The following TMEM171 variants were observed in gnomAD, a reference collection of about 807,000 sequenced individuals.
The protein encoded by TMEM171 is transmembrane protein 171, also known as proline-rich protein PRP2.
A neutral mutation model predicts 19.1 loss-of-function variants in TMEM171; 16 were observed. The observed-to-expected ratio is 0.84, with a 90% CI of 0.57 to 1.27. The LOEUF (loss-of-function observed/expected upper bound fraction) is 1.27. Ranked by LOEUF, TMEM171 falls within the 50% of genes most tolerant of loss-of-function variation. The probability of loss-of-function intolerance (pLI) is 0.00; values close to 1 mark genes in which losing one functional copy is unlikely to be tolerated. For missense variants in TMEM171, 429 were observed against 412.7 expected (o/e 1.04, Z -0.34); for synonymous variants, 153 against 163.4 (o/e 0.94, Z 0.48).
chr5:73,120,769 CGCGGGGAGCCGCGGCAGCGCGGAG>C, intron 1 of TMEM171, 73 bp downstream of exon 1: 2 of 981,842 alleles, frequency 2.0e-6, no homozygotes, highest in South Asian at 4.7e-5. Context: ...CCAGGCTGGG[CGCGGGGAGCCGCGGCAGCGCGGAG>C]GCGCTGGGTA....
At chr5:73,126,388 G>A (rs963186881) in intron 2 of TMEM171, among the ~76,000 whole-genome samples, 1 of 152,190 alleles carries the variant, frequency 6.6e-6, no homozygotes, top group African/African-American at 2.4e-5. Context: ...GGAGAAGGAA[G>A]GGGAGATGGA....
intron 3 of TMEM171, 136 bp downstream of exon 3, chr5:73,128,667 A>T (rs190675997): frequency 3.5e-6 from 4 of 1,143,542 alleles, no homozygotes; most frequent in Non-Finnish European, 4.8e-6. Context: ...GTGTCTTGAT[A>T]TTAACAGTAC....
At chr5:73,126,800 C>G (rs2112923228) in intron 2 of TMEM171, among the ~76,000 whole-genome samples, 1 of 152,324 alleles carries the variant, frequency 6.6e-6, no homozygotes, top group African/African-American at 2.4e-5. Flanking sequence ...AAAGCCCCAT[C>G]TTCTTCATTT....
intron 3 of TMEM171, among the ~76,000 whole-genome samples, chr5:73,130,095 T>TG (rs1004429557): frequency 6.7e-6 from 1 of 150,222 alleles, no homozygotes; most frequent in Non-Finnish European, 1.5e-5. Context: ...TTGGTTTCGG[T>TG]GGGGAAAGGA....
intron 2 of TMEM171, among the ~76,000 whole-genome samples, chr5:73,124,773 T>TG (rs2112921460): frequency 6.6e-6 from 1 of 152,292 alleles, no homozygotes; most frequent in Admixed American, 6.5e-5. Context: ...ACAGAAGAGA[T>TG]GGAGTGCCAT....
At chr5:73,124,990 A>G (rs1304299232) in intron 2 of TMEM171, among the ~76,000 whole-genome samples, 1 of 152,142 alleles carries the variant, frequency 6.6e-6, no homozygotes, top group Non-Finnish European at 1.5e-5. Flanking sequence ...CAGAGAGGGA[A>G]TGTGACAAGT....
At position 73,123,620 on chromosome 5, in the gene TMEM171, C is replaced by G. The variant is rs750768921; in HGVS notation, c.247C>G (p.Leu83Val). 2 of 1,614,242 alleles carry G rather than the reference C, an allele frequency of 1.2e-6. No homozygotes were observed. Among genetic ancestry groups the G allele is most frequent in the Non-Finnish European group, 8.5e-7 (1 of 1,180,042 alleles). The change falls in exon 2 of 4, where the codon CTT becomes GTT. Residue 83 changes from leucine to valine, a missense_variant. Leu to Val is a conservative substitution (Grantham distance 32). Coordinates refer to ENST00000454765, the MANE Select transcript of TMEM171 (RefSeq NM_173490.8). ...GATCCTGGCCCGCTCCCGGGCGCAA[C>G]TTCAGCTCCGTGCAGGGCTGCAGAG... ...AVILARSRAQLQLRAGLQRGQ... is the reference protein window; with the variant it reads ...AVILARSRAQVQLRAGLQRGQ...
At chr5:73,130,012 G>A (rs1744290128) in intron 3 of TMEM171, among the ~76,000 whole-genome samples, 1 of 152,164 alleles carries the variant, frequency 6.6e-6, no homozygotes, top group Admixed American at 6.5e-5. Flanking sequence ...AGGAAGAGGC[G>A]AAGATGATGA....
At position 73,120,676 on chromosome 5, in the gene TMEM171, A is replaced by G. The variant is rs1743980841; in HGVS notation, c.-89A>G. 3 of 983,674 alleles carry G rather than the reference A, an allele frequency of 3.0e-6. No homozygotes were observed. Among genetic ancestry groups the G allele is most frequent in the Non-Finnish European group, 3.6e-6 (3 of 829,558 alleles). 60.9% of individuals were successfully genotyped at this position (983,674 alleles called of 1,614,324 possible). A position where few individuals can be genotyped will look rare whatever the true frequency, so the allele number is the denominator to read the frequency against. On this transcript the variant is annotated 5_prime_UTR_variant, in exon 1 of 4. Transcript: ENST00000454765. The stretch of plus-strand genomic sequence containing the variant: ...AGTGCCCACAGCAGCGCGGTCAGCC[A>G]GGCGCCGGACCCAGCTTCAGGTAAG...
intron 2 of TMEM171, among the ~76,000 whole-genome samples, chr5:73,124,607 G>T (rs1312050206): frequency 6.6e-6 from 1 of 152,188 alleles, no homozygotes; most frequent in African/African-American, 2.4e-5. Context: ...AGGGGCCTCT[G>T]CACTGTCTCT....
At chr5:73,124,144 G>A (rs540191988) in intron 2 of TMEM171, 131 bp downstream of exon 2, 48 of 778,084 alleles carry the variant, frequency 6.2e-5, no homozygotes, top group Non-Finnish European at 9.1e-5. Context: ...GTGTGCACAC[G>A]CACACACCCC....
chr5:73,128,237 T>C (rs562615176), intron 2 of TMEM171, among the ~76,000 whole-genome samples, 153 bp from the exon 3 acceptor site: 118 of 152,316 alleles, frequency 7.7e-4, no homozygotes, highest in Non-Finnish European at 1.5e-3. Flanking sequence ...TCTATCTCTA[T>C]ACATTTAATG....
chr5:73,126,139 G>C (rs1019628298), intron 2 of TMEM171, among the ~76,000 whole-genome samples: 1 of 152,184 alleles, frequency 6.6e-6, no homozygotes, highest in African/African-American at 2.4e-5. Context: ...GGAGACCCTT[G>C]GAGGTAACAG....
chr5:73,128,234 C>G (rs1009869668), intron 2 of TMEM171, among the ~76,000 whole-genome samples, 156 bp from the exon 3 acceptor site: 6 of 152,160 alleles, frequency 3.9e-5, no homozygotes, highest in Non-Finnish European at 5.9e-5. Context: ...TTTTCTATCT[C>G]TATACATTTA....
At chr5:73,125,097 A>C (rs1580235171) in intron 2 of TMEM171, among the ~76,000 whole-genome samples, 1 of 152,138 alleles carries the variant, frequency 6.6e-6, no homozygotes, top group Non-Finnish European at 1.5e-5. Context: ...CTTGCATGGC[A>C]CCAGCCTTGG....
intron 2 of TMEM171, 106 bp from the exon 3 acceptor site, chr5:73,128,284 G>A: frequency 7.3e-7 from 1 of 1,364,228 alleles, no homozygotes; most frequent in Non-Finnish European, 1.0e-6. Context: ...CAGCAGGTGT[G>A]TTGACCTTTT....
intron 3 of TMEM171, among the ~76,000 whole-genome samples, chr5:73,130,941 G>A (rs1744338076): frequency 1.3e-5 from 2 of 152,096 alleles, no homozygotes; most frequent in African/African-American, 4.8e-5. Context: ...ATTAGTTTAT[G>A]TAACTCCCAT....
At chr5:73,122,844 G>A (rs1744040847) in intron 1 of TMEM171, among the ~76,000 whole-genome samples, 1 of 152,208 alleles carries the variant, frequency 6.6e-6, no homozygotes, top group African/African-American at 2.4e-5. Context: ...GAAAGCTGCT[G>A]TAGTCTAAAA....
chr5:73,130,503 T>G (rs1580240348), intron 3 of TMEM171, among the ~76,000 whole-genome samples: 1 of 152,276 alleles, frequency 6.6e-6, no homozygotes, highest in Non-Finnish European at 1.5e-5. Context: ...TACCTTGTTA[T>G]TCGTGTTTAA....
Sources: gnomAD v4.1 joint callset for allele counts (sites outside exome capture counted in the v4.1 genomes callset) on GRCh38, gnomAD v4.1.1 for gene constraint, MANE v1.5 for transcripts, NCBI Gene and HGNC (gene_info 2026-07-23, HGNC 2026-07-21) for gene names.